Variants in NRG1 observed in about 807,000 individuals in gnomAD.
NRG1 encodes the protein pro-neuregulin-1, membrane-bound isoform.
Under a neutral mutation model 63.8 loss-of-function variants are expected in NRG1, and 18 were observed. That is an observed-to-expected ratio of 0.28 (90% CI 0.19 to 0.42). NRG1 has a LOEUF of 0.42. NRG1 is among the 10% of genes least tolerant of loss of function. The pLI is 1.00. For synonymous variants in NRG1, 302 were observed against 301.3 expected (o/e 1.00, Z -0.02); for missense variants, 762 against 814.7 (o/e 0.94, Z 0.79).
intron 1 of NRG1, among the ~76,000 whole-genome samples, chr8:32,351,994 C>T (rs1376139695): frequency 6.6e-6 from 1 of 151,516 alleles, no homozygotes; most frequent in Non-Finnish European, 1.5e-5. Flanking sequence ...GCTCTCTGTG[C>T]TTTGTCTTCT....
At chr8:32,062,252 G>A (rs1250595253) in intron 1 of NRG1, among the ~76,000 whole-genome samples, 1 of 152,232 alleles carries the variant, frequency 6.6e-6, no homozygotes, top group East Asian at 1.9e-4. Flanking sequence ...AGCAGAGCCT[G>A]CTTCCTCATG....
At chr8:31,651,247 C>T (rs1017931828) in intron 1 of NRG1, among the ~76,000 whole-genome samples, 3 of 152,132 alleles carry the variant, frequency 2.0e-5, no homozygotes, top group South Asian at 4.1e-4. Context: ...TATTTGCATT[C>T]GCTGGCATCG....
intron 1 of NRG1, among the ~76,000 whole-genome samples, chr8:32,517,847 A>G (rs2129504507): frequency 6.6e-6 from 1 of 152,322 alleles, no homozygotes; most frequent in Non-Finnish European, 1.5e-5. Flanking sequence ...AATACATTAT[A>G]CTTAGGAAAT....
intron 1 of NRG1, among the ~76,000 whole-genome samples, chr8:32,373,452 T>G (rs1404554467): frequency 6.8e-6 from 1 of 147,890 alleles, no homozygotes; most frequent in Admixed American, 6.9e-5. Context: ...TTAATTTATA[T>G]GCCTGAGGTG....
intron 1 of NRG1, among the ~76,000 whole-genome samples, chr8:32,276,656 C>G (rs1017040353): frequency 3.9e-5 from 6 of 152,238 alleles, no homozygotes; most frequent in South Asian, 2.1e-4. Context: ...AGGTATGCAC[C>G]ACCACACCCT....
chr8:32,274,792 A>C (rs1385368255), intron 1 of NRG1, among the ~76,000 whole-genome samples: 1 of 152,166 alleles, frequency 6.6e-6, no homozygotes, highest in African/African-American at 2.4e-5. Flanking sequence ...ATTTTTTTCC[A>C]GGCAAACCCT....
chr8:31,711,776 A>C (rs1305138923), intron 1 of NRG1, among the ~76,000 whole-genome samples: 2 of 152,188 alleles, frequency 1.3e-5, no homozygotes, highest in African/African-American at 2.4e-5. Context: ...AGGTACTGGC[A>C]GATCTGTGTC....
At chr8:32,286,511 A>G (rs1271231000) in intron 1 of NRG1, among the ~76,000 whole-genome samples, 2 of 152,190 alleles carry the variant, frequency 1.3e-5, no homozygotes, top group Non-Finnish European at 2.9e-5. Flanking sequence ...GTGGGGCTTA[A>G]TAGGAGGTGT....
In NRG1 at chr8:32,600,260, A is replaced by G. The variant is rs1223531411; in HGVS notation, c.278+4255A>G. On this transcript the variant is annotated intron_variant, in intron 2 of 11. Transcript: ENST00000356819. ...TCTCTATACTTAAAAAAAAATCATAATTTCCTCTTTCACTTCTTTGTCCTT... is the reference window on the plus strand; with the variant it reads ...TCTCTATACTTAAAAAAAAATCATAGTTTCCTCTTTCACTTCTTTGTCCTT... Among the ~76,000 whole-genome samples, 11 of 151,636 alleles carry G rather than the reference A, an allele frequency of 7.3e-5. No homozygotes were observed. The East Asian group carries it at 1.9e-3, about 27-fold the overall frequency.
intron 1 of NRG1, among the ~76,000 whole-genome samples, chr8:31,866,289 C>T (rs1216037609): frequency 5.3e-5 from 8 of 152,098 alleles, no homozygotes; most frequent in Admixed American, 5.2e-4. Context: ...AAAAGTATTG[C>T]CCATACATGG....
chr8:31,683,383 G>C (rs1300949485), intron 1 of NRG1, among the ~76,000 whole-genome samples: 1 of 152,054 alleles, frequency 6.6e-6, no homozygotes, highest in Non-Finnish European at 1.5e-5. Context: ...GAAGAAATGA[G>C]CCATCACGTC....
At chr8:32,512,493 T>C (rs1050982443) in intron 1 of NRG1, among the ~76,000 whole-genome samples, 2 of 152,230 alleles carry the variant, frequency 1.3e-5, no homozygotes, top group African/African-American at 4.8e-5. Flanking sequence ...CTGATAATCA[T>C]AGCTAGCATT....
At chr8:32,187,678 G>A (rs938833993) in intron 1 of NRG1, among the ~76,000 whole-genome samples, 6 of 151,976 alleles carry the variant, frequency 3.9e-5, no homozygotes, top group African/African-American at 1.5e-4. Context: ...AGAAAGAAGG[G>A]GATGGCTTTT....
At chr8:32,666,994 G>A (rs180857408) in intron 5 of NRG1, among the ~76,000 whole-genome samples, 3 of 152,210 alleles carry the variant, frequency 2.0e-5, no homozygotes, top group Non-Finnish European at 4.4e-5. Flanking sequence ...ACAGTCATAC[G>A]TCACTTAATG....
At chr8:32,610,126 C>T (rs1846118074) in intron 3 of NRG1, among the ~76,000 whole-genome samples, 1 of 151,778 alleles carries the variant, frequency 6.6e-6, no homozygotes, top group South Asian at 2.1e-4. Flanking sequence ...ATTTTTTCAC[C>T]TTTTCTATGT....
intron 5 of NRG1, among the ~76,000 whole-genome samples, chr8:32,646,102 C>T (rs373880718): frequency 2.6e-4 from 40 of 152,256 alleles, no homozygotes; most frequent in African/African-American, 7.5e-4. Flanking sequence ...TAGCTTTGCT[C>T]GCATCATAAC....
intron 1 of NRG1, among the ~76,000 whole-genome samples, chr8:31,937,076 T>A (rs530190403): frequency 6.6e-6 from 1 of 152,254 alleles, no homozygotes; most frequent in Non-Finnish European, 1.5e-5. Context: ...CATAAACTTA[T>A]ATAAGCTTCT....
At chr8:31,639,752 T>C in intron 1 of NRG1, 2 of 798,500 alleles carry the variant, frequency 2.5e-6, no homozygotes, top group Non-Finnish European at 3.3e-6. Context: ...TATTTTGCCT[T>C]TTTTTTTTTT....
intron 1 of NRG1, among the ~76,000 whole-genome samples, chr8:32,238,795 G>A (rs1003701579): frequency 2.0e-5 from 3 of 152,128 alleles, no homozygotes; most frequent in African/African-American, 7.2e-5. Flanking sequence ...TAAGATAAGA[G>A]GTTTTTATTA....
Sources: gnomAD v4.1 joint callset for allele counts (sites outside exome capture counted in the v4.1 genomes callset) on GRCh38, gnomAD v4.1.1 for gene constraint, MANE v1.5 for transcripts, NCBI Gene and HGNC (gene_info 2026-07-23, HGNC 2026-07-21) for gene names.